The following MDM4 variants were observed in gnomAD, a reference collection of about 807,000 sequenced individuals.
MDM4 encodes protein Mdm4.
A neutral mutation model predicts 60.2 loss-of-function variants in MDM4; 2 were observed. That is an observed-to-expected ratio of 0.03 (90% CI 0.01 to 0.10). The LOEUF is 0.10. Ranked by LOEUF, MDM4 falls within the 10% of genes least tolerant of loss-of-function variation. The pLI, the probability that MDM4 is intolerant of heterozygous loss-of-function variation, is 1.00. For synonymous variants in MDM4, 202 were observed against 198.1 expected (o/e 1.02, Z -0.17); for missense variants, 447 against 577.5 (o/e 0.77, Z 2.32).
chr1:204,537,954 GC>G, intron 6 of MDM4: 1 of 725,218 alleles, frequency 1.4e-6, no homozygotes, highest in Non-Finnish European at 2.6e-6. Context: ...TATACAGATA[GC>G]CTGTTTTTAA....
chr1:204,529,748 A>C (rs1558317445), intron 3 of MDM4: 1 of 452,336 alleles, frequency 2.2e-6, no homozygotes, highest in East Asian at 3.6e-5. Flanking sequence ...TTTTTATATC[A>C]TTATAGTGGT....
intron 3 of MDM4, among the ~76,000 whole-genome samples, chr1:204,527,817 G>A (rs961751736): frequency 6.6e-6 from 1 of 151,742 alleles, no homozygotes; most frequent in African/African-American, 2.4e-5. Context: ...TCATTTGGTG[G>A]GGTAGATATC....
At chr1:204,524,079 G>A (rs1659859136) in intron 1 of MDM4, among the ~76,000 whole-genome samples, 1 of 152,206 alleles carries the variant, frequency 6.6e-6, no homozygotes, top group Non-Finnish European at 1.5e-5. Flanking sequence ...GCAGGTGATA[G>A]AAGCTAGGAG....
At chr1:204,523,647 G>T (rs1659810795) in intron 1 of MDM4, among the ~76,000 whole-genome samples, 1 of 151,496 alleles carries the variant, frequency 6.6e-6, no homozygotes, top group Non-Finnish European at 1.5e-5. Context: ...TGCCCAGCTA[G>T]TTGTTGTATT....
chr1:204,528,805 A>G (rs911430194), intron 3 of MDM4: 2 of 1,294,026 alleles, frequency 1.5e-6, no homozygotes, highest in African/African-American at 1.5e-5. Flanking sequence ...GAAGCCAGGA[A>G]AGGTCCCTGG....
intron 8 of MDM4, 55 bp downstream of exon 8, chr1:204,542,999 C>T: frequency 7.2e-7 from 1 of 1,379,614 alleles, no homozygotes; most frequent in Non-Finnish European, 1.0e-6. Context: ...GGGTAACATT[C>T]TTGGTTACTC....
intron 3 of MDM4, 32 bp downstream of exon 3, chr1:204,526,466 T>A: frequency 6.8e-7 from 1 of 1,474,534 alleles, no homozygotes; most frequent in Non-Finnish European, 9.2e-7. Context: ...TCATTTTTTT[T>A]GTTTTTTTTT....
chr1:204,530,304 C>T (rs1323250780), intron 3 of MDM4, among the ~76,000 whole-genome samples: 2 of 152,192 alleles, frequency 1.3e-5, no homozygotes, highest in African/African-American at 2.4e-5. Flanking sequence ...AGCCTAAAGT[C>T]GTTTATGTGC....
intron 7 of MDM4, 25 bp from the exon 8 acceptor site, chr1:204,542,756 TATC>T: frequency 6.4e-7 from 1 of 1,562,126 alleles, no homozygotes; most frequent in Non-Finnish European, 8.8e-7. Context: ...TGTGCATAGT[TATC>T]ATTCTTTTCA....
rs934291483 is a variant in MDM4, at chr1:204,556,358, G to A, written c.*6676G>A. The A allele has an allele frequency of 4.0e-5, 9 of 226,996 alleles. No homozygotes were observed. Among genetic ancestry groups the A allele is most frequent in the Non-Finnish European group, 7.0e-5 (8 of 114,192 alleles). The allele number at this position is 226,996 out of a possible 1,614,324, so 14.1% of individuals were successfully genotyped here. A position where few individuals can be genotyped will look rare whatever the true frequency, so the allele number is the denominator to read the frequency against. On this transcript the variant is annotated 3_prime_UTR_variant, in exon 11 of 11. Coordinates refer to ENST00000367182, the MANE Select transcript of MDM4 (RefSeq NM_002393.5). ...CGTAGTTGAGGCTTCCTTTCTGTGTGTGATGGGGGATAGGGAGTTAGCTCC... is the reference window on the plus strand; with the variant it reads ...CGTAGTTGAGGCTTCCTTTCTGTGTATGATGGGGGATAGGGAGTTAGCTCC...
At chr1:204,539,641 A>G (rs1329864095) in intron 7 of MDM4, among the ~76,000 whole-genome samples, 1 of 148,336 alleles carries the variant, frequency 6.7e-6, no homozygotes, top group Non-Finnish European at 1.5e-5. Context: ...TGTTCAAGCG[A>G]TTCTCCTGCC....
Position 204,557,668 on chromosome 1 carries a change from C to T in MDM4, c.*7986C>T, listed in dbSNP as rs1196160142. On this transcript the variant is annotated 3_prime_UTR_variant, in exon 11 of 11. Transcript: ENST00000367182. ...CTGCCCGCCTTGGCCTCCCAAAGTA[C>T]TGGGATTACAGGCGTGAGCAACTGC... 5.6e-6 allele frequency: 1 copy of T among 178,686 alleles called. No individual in the cohort carries two copies. The highest frequency in any genetic ancestry group is 1.2e-5 in the Non-Finnish European group (1 of 83,288). The allele number at this position is 178,686 out of a possible 1,614,324, so 11.1% of individuals were successfully genotyped here.
At position 204,537,507 on chromosome 1, in the gene MDM4, CCACA is replaced by C; in HGVS notation, c.411+12_411+15del. 6.2e-7 allele frequency: 1 copy of C among 1,604,000 alleles called. No homozygotes were observed. The highest frequency in any genetic ancestry group is 8.5e-7 in the Non-Finnish European group (1 of 1,170,778). On this transcript the variant is annotated intron_variant, in intron 6 of 10. Coordinates refer to ENST00000367182, the MANE Select transcript of MDM4 (RefSeq NM_002393.5). ...TCAAGACCAACTGAAGGTAAAATCACCACACGGTGACTTCTTTTGTTGTACAGAG... is the reference window on the plus strand; with the variant it reads ...TCAAGACCAACTGAAGGTAAAATCACCGGTGACTTCTTTTGTTGTACAGAG...
intron 4 of MDM4, 98 bp from the exon 5 acceptor site, chr1:204,532,093 G>A: frequency 1.4e-6 from 1 of 717,786 alleles, no homozygotes; most frequent in Non-Finnish European, 2.4e-6. Flanking sequence ...AGACTTGGGA[G>A]ATAACATCAG....
At chr1:204,518,392 C>G (rs1572439151) in intron 1 of MDM4, among the ~76,000 whole-genome samples, 1 of 152,210 alleles carries the variant, frequency 6.6e-6, no homozygotes, top group African/African-American at 2.4e-5. Flanking sequence ...AATCTTCCCA[C>G]TTTAATCTTC....
chr1:204,527,179 G>A (rs899169318), intron 3 of MDM4, among the ~76,000 whole-genome samples: 1 of 150,914 alleles, frequency 6.6e-6, no homozygotes. Flanking sequence ...TGGTCTGCTC[G>A]TTTAGTCCCA....
chr1:204,528,755 GGAAAA>G lies in MDM4; in HGVS notation c.154-1925_154-1921del. On this transcript the variant is annotated intron_variant, in intron 3 of 10. Transcript: ENST00000367182. Reference sequence around the variant, plus strand: ...GGGAGAATGTTCTTCTAGAGGGACAGGAAAAGAAGAGAGAGGTCCACGTACTTCTG... The same window carrying G: ...GGGAGAATGTTCTTCTAGAGGGACAGGAAGAGAGAGGTCCACGTACTTCTG... The G allele has an allele frequency of 9.0e-6, 7 of 778,548 alleles. No homozygotes were observed. In the South Asian group the frequency reaches 1.1e-4, roughly 13 times the overall value. 48.2% of individuals were successfully genotyped at this position (778,548 alleles called of 1,614,324 possible).
At position 204,551,835 on chromosome 1, in the gene MDM4, A is replaced by G. The variant is rs1663232102; in HGVS notation, c.*2153A>G. On this transcript the variant is annotated 3_prime_UTR_variant, in exon 11 of 11. Coordinates refer to ENST00000367182, the MANE Select transcript of MDM4 (RefSeq NM_002393.5). ...TTGAACAAGTGTTCCTGGAATCTCTATGCAAGTTTTATACAGAACATACTT... is the reference window on the plus strand; with the variant it reads ...TTGAACAAGTGTTCCTGGAATCTCTGTGCAAGTTTTATACAGAACATACTT... The G allele has an allele frequency of 4.6e-6, 1 of 217,768 alleles. No individual in the cohort carries two copies. Among genetic ancestry groups the G allele is most frequent in the Non-Finnish European group, 9.2e-6 (1 of 108,470 alleles). The allele number at this position is 217,768 out of a possible 1,614,324, so 13.5% of individuals were successfully genotyped here.
intron 1 of MDM4, among the ~76,000 whole-genome samples, chr1:204,520,639 C>CT (rs1378144544): frequency 2.0e-5 from 3 of 152,046 alleles, no homozygotes; most frequent in South Asian, 2.1e-4. Context: ...AATCCCAACA[C>CT]TTTCGTTGAG....
Sources: gnomAD v4.1 joint callset for allele counts (sites outside exome capture counted in the v4.1 genomes callset) on GRCh38, gnomAD v4.1.1 for gene constraint, MANE v1.5 for transcripts, NCBI Gene and HGNC (gene_info 2026-07-23, HGNC 2026-07-21) for gene names.